Variants in PLEKHH1 observed in about 807,000 individuals in gnomAD.
PLEKHH1 encodes pleckstrin homology domain-containing family H member 1.
Under a neutral mutation model 160.0 loss-of-function variants are expected in PLEKHH1, and 104 were observed. The observed-to-expected ratio is 0.65, with a 90% CI of 0.55 to 0.76. PLEKHH1 has a LOEUF of 0.76. Ranked by LOEUF, PLEKHH1 falls within the 30% of genes least tolerant of loss-of-function variation. PLEKHH1 has a pLI of 0.00. For missense variants in PLEKHH1, 1,427 were observed against 1,724.1 expected (o/e 0.83, Z 3.05); for synonymous variants, 619 against 678.4 (o/e 0.91, Z 1.36).
chr14:67,580,822 G>A (rs7141797), intron 22 of PLEKHH1, 116 bp from the exon 23 acceptor site: 17,711 of 671,094 alleles, frequency 0.026, 519 homozygotes, highest in African/African-American at 0.11. Context: ...CTCCTGGTGG[G>A]AGGACTTTTC....
chr14:67,579,032 C>T, intron 20 of PLEKHH1, 102 bp from the exon 21 acceptor site: 2 of 770,804 alleles, frequency 2.6e-6, no homozygotes, highest in South Asian at 3.2e-5. Flanking sequence ...CAACCTGCCC[C>T]AGCTACAGTT....
intron 2 of PLEKHH1, among the ~76,000 whole-genome samples, chr14:67,552,487 G>A (rs892030758): frequency 6.6e-6 from 1 of 152,254 alleles, no homozygotes; most frequent in African/African-American, 2.4e-5. Context: ...AGAAGGACTG[G>A]CTGGGTGCGG....
Position 67,578,255 on chromosome 14 carries a change from T to G in PLEKHH1, c.2751+56T>G, listed in dbSNP as rs965047709. 42 of 1,487,850 alleles carry G rather than the reference T, an allele frequency of 2.8e-5. No individual in the cohort carries two copies. Among genetic ancestry groups the G allele is most frequent in the Non-Finnish European group, 3.7e-5 (40 of 1,075,132 alleles). 92.2% of individuals were successfully genotyped at this position (1,487,850 alleles called of 1,614,324 possible). A position where few individuals can be genotyped will look rare whatever the true frequency, so the allele number is the denominator to read the frequency against. ...GAAGCCATTGGCAAGGGCTGCCAGGTGGGAAAGGTGGGAGGAGGTGACTGG... is the reference window on the plus strand; with the variant it reads ...GAAGCCATTGGCAAGGGCTGCCAGGGGGGAAAGGTGGGAGGAGGTGACTGG... On this transcript the variant is annotated intron_variant, in intron 19 of 28. Coordinates refer to ENST00000329153, the MANE Select transcript of PLEKHH1 (RefSeq NM_020715.3). The surrounding 1 kb of genome is among the most constrained non-coding windows in gnomAD (Gnocchi z 5.0).
At position 67,575,453 on chromosome 14, in the gene PLEKHH1, A is replaced by G; in HGVS notation, c.2150A>G (p.Tyr717Cys). 3 of 1,605,642 alleles carry G rather than the reference A, an allele frequency of 1.9e-6. No homozygotes were observed. The highest frequency in any genetic ancestry group is 2.6e-6 in the Non-Finnish European group (3 of 1,175,250). Residue 717 changes from tyrosine (Y) to cysteine (C), a missense_variant, in exon 15 of 29, where the codon TAT becomes TGT. By Grantham distance (194) the Tyr-to-Cys change is radical. This residue lies in a region of PLEKHH1 where 831 missense variants were observed against 929.2 expected (regional missense o/e 0.89). Transcript: ENST00000329153. ...CTTGTTGGGAAAATCTTCTACTACTATCGGAGCCATGAGGACAAGGTACTT... is the reference window on the plus strand; with the variant it reads ...CTTGTTGGGAAAATCTTCTACTACTGTCGGAGCCATGAGGACAAGGTACTT... Reference protein sequence around the residue: ...CALVGKIFYYYRSHEDKRPLG... With the variant: ...CALVGKIFYYCRSHEDKRPLG...
chr14:67,554,740 C>G (rs746111821), intron 2 of PLEKHH1, among the ~76,000 whole-genome samples: 1 of 152,142 alleles, frequency 6.6e-6, no homozygotes, highest in Non-Finnish European at 1.5e-5. Flanking sequence ...GCCATGTAGG[C>G]TGTGGGCTCG....
At chr14:67,536,373 C>T (rs1368127334) in intron 1 of PLEKHH1, among the ~76,000 whole-genome samples, 2 of 151,884 alleles carry the variant, frequency 1.3e-5, no homozygotes, top group South Asian at 2.1e-4. Context: ...TAGTCAGCCA[C>T]GTCTGGCAGA....
At chr14:67,579,375 G>C (rs1395702147) in intron 21 of PLEKHH1, 64 bp downstream of exon 21, 4 of 1,311,130 alleles carry the variant, frequency 3.1e-6, no homozygotes, top group Non-Finnish European at 4.1e-6. Context: ...GAATACCCCT[G>C]GGCCTTAGGC....
chr14:67,554,870 C>T (rs1251686458), intron 2 of PLEKHH1, among the ~76,000 whole-genome samples: 1 of 152,172 alleles, frequency 6.6e-6, no homozygotes, highest in Non-Finnish European at 1.5e-5. Flanking sequence ...GCTCCTCAGC[C>T]TTGAGTGACA....
chr14:67,574,034 A>G lies in PLEKHH1; in HGVS notation c.1926+147A>G. On this transcript the variant is annotated intron_variant, in intron 13 of 28. Transcript: ENST00000329153. This position sits in a 1 kb window ranked among gnomAD's most constrained non-coding sequence, Gnocchi z 4.2. ...GACGTGATCCTAACTTGTGAGTACA[A>G]GAAAGGAAGATGAGACAGAATATGA... The G allele has an allele frequency of 1.4e-6, 1 of 711,248 alleles. No individual in the cohort carries two copies. Among genetic ancestry groups the G allele is most frequent in the Non-Finnish European group, 2.4e-6 (1 of 412,864 alleles). 44.1% of individuals were successfully genotyped at this position (711,248 alleles called of 1,614,324 possible). A position where few individuals can be genotyped will look rare whatever the true frequency, so the allele number is the denominator to read the frequency against.
intron 1 of PLEKHH1, among the ~76,000 whole-genome samples, chr14:67,539,945 GAAT>G (rs1484981675): frequency 6.6e-6 from 1 of 152,120 alleles, no homozygotes; most frequent in East Asian, 1.9e-4. Context: ...AGAAAAATAC[GAAT>G]AAAAGTCACA....
intron 11 of PLEKHH1, 22 bp downstream of exon 11, chr14:67,572,299 G>A (rs770244230): frequency 3.2e-6 from 5 of 1,569,822 alleles, no homozygotes; most frequent in African/African-American, 2.7e-5. Context: ...AACGGGCGGG[G>A]GCAGGGTGGA....
In PLEKHH1 at chr14:67,587,755, C is replaced by T; in HGVS notation, c.*520C>T. On this transcript the variant is annotated 3_prime_UTR_variant, in exon 29 of 29. Coordinates refer to ENST00000329153, the MANE Select transcript of PLEKHH1 (RefSeq NM_020715.3). ...TAGAGACGGGGTTTCACCATGTTGG[C>T]CAGGCTGGTCTCGAACTCCTGACCT... The T allele has an allele frequency of 6.2e-6, 1 of 161,824 alleles. No homozygotes were observed. The highest frequency in any genetic ancestry group is 1.4e-5 in the Non-Finnish European group (1 of 74,044). The allele number at this position is 161,824 out of a possible 1,614,324, so 10.0% of individuals were successfully genotyped here. A position where few individuals can be genotyped will look rare whatever the true frequency, so the allele number is the denominator to read the frequency against.
Position 67,579,321 on chromosome 14 carries a change from T to C in PLEKHH1, c.3027+10T>C, listed in dbSNP as rs368938847. The C allele has an allele frequency of 1.5e-4, 228 of 1,496,536 alleles. No individual in the cohort carries two copies. The highest frequency in any genetic ancestry group is 1.9e-4 in the Non-Finnish European group (213 of 1,123,638). 92.7% of individuals were successfully genotyped at this position (1,496,536 alleles called of 1,614,324 possible). On this transcript the variant is annotated intron_variant, in intron 21 of 28. Transcript: ENST00000329153. ...CAACGGGACTTACCATGTGAGGAGC[T>C]GGGCGTGCTCTTTGCCCCGAGTCTT...
Position 67,579,308 on chromosome 14 carries a change from C to T in PLEKHH1, c.3024C>T (p.Tyr1008=). 1 of 1,522,476 alleles carries T rather than the reference C, an allele frequency of 6.6e-7. No individual in the cohort carries two copies. Among genetic ancestry groups the T allele is most frequent in the Non-Finnish European group, 8.8e-7 (1 of 1,137,228 alleles). The allele number at this position is 1,522,476 out of a possible 1,614,324, so 94.3% of individuals were successfully genotyped here. Residue 1008 remains tyrosine, a synonymous_variant, in exon 21 of 29, where the codon TAC becomes TAT. Coordinates refer to ENST00000329153, the MANE Select transcript of PLEKHH1 (RefSeq NM_020715.3). ...CCGTGCACTTTACCAACGGGACTTA[C>T]CATGTGAGGAGCTGGGCGTGCTCTT... ...SIPVHFTNGT[Y]HVVGFDGSST...
At chr14:67,555,935 G>A (rs767045668) in intron 3 of PLEKHH1, 48 bp downstream of exon 3, 9 of 1,591,364 alleles carry the variant, frequency 5.7e-6, no homozygotes, top group Admixed American at 5.3e-5. Flanking sequence ...AATGACCGTC[G>A]GCCCTTCCAG....
intron 7 of PLEKHH1, among the ~76,000 whole-genome samples, chr14:67,563,136 G>A (rs1187764367): frequency 6.6e-6 from 1 of 152,236 alleles, no homozygotes; most frequent in Non-Finnish European, 1.5e-5. Flanking sequence ...ACCATACATT[G>A]AGCTGGGTGC....
At position 67,579,223 on chromosome 14, in the gene PLEKHH1, TG is replaced by T; in HGVS notation, c.2941del (p.Glu981LysfsTer46). 6.2e-7 allele frequency: 1 copy of T among 1,611,300 alleles called. No individual in the cohort carries two copies. Among genetic ancestry groups the T allele is most frequent in the Non-Finnish European group, 8.5e-7 (1 of 1,178,904 alleles). On this transcript the variant is annotated frameshift_variant, in exon 21 of 29. Coordinates refer to ENST00000329153, the MANE Select transcript of PLEKHH1 (RefSeq NM_020715.3). LOFTEE classifies it high-confidence loss of function. ...TGEREARPSR[M>X]EVVSILLRNP... ...GAGCGGGAAGCCAGGCCATCGCGCA[TG>T]GAAGTGGTGTCCATCCTGCTGCGTA...
rs778201464 is a variant in PLEKHH1, at chr14:67,573,401, G to A, written c.1839+15G>A. On this transcript the variant is annotated intron_variant, in intron 12 of 28. Coordinates refer to ENST00000329153, the MANE Select transcript of PLEKHH1 (RefSeq NM_020715.3). The surrounding 1 kb of genome is among the most constrained non-coding windows in gnomAD (Gnocchi z 4.8). ...ACAAGTCCCCGGTGAGAGTCTCCCC[G>A]CCCAGCACTGCAGTCAAAAGGTCTC... 22 of 1,425,562 alleles carry A rather than the reference G, an allele frequency of 1.5e-5. No homozygotes were observed. The highest frequency in any genetic ancestry group is 1.0e-4 in the Admixed American group (6 of 59,728). The allele number at this position is 1,425,562 out of a possible 1,614,324, so 88.3% of individuals were successfully genotyped here. A position where few individuals can be genotyped will look rare whatever the true frequency, so the allele number is the denominator to read the frequency against.
At chr14:67,556,304 G>A (rs928028783) in intron 3 of PLEKHH1, among the ~76,000 whole-genome samples, 5 of 152,154 alleles carry the variant, frequency 3.3e-5, no homozygotes. Context: ...AAGAAAGCTG[G>A]ATGTATTTTT....
Sources: allele counts gnomAD v4.1 joint callset (sites outside exome capture counted in the v4.1 genomes callset), GRCh38; gene constraint gnomAD v4.1.1; regional missense constraint gnomAD v4.1.1; non-coding constraint Gnocchi (gnomAD v3.1); transcripts MANE v1.5; gene names NCBI Gene and HGNC (gene_info 2026-07-23, HGNC 2026-07-21).